FLT1: variants seen among roughly 807,000 people sequenced by gnomAD.
FLT1 encodes the protein fms related receptor tyrosine kinase 1, also known as vascular endothelial growth factor receptor 1.
A neutral mutation model predicts 156.3 loss-of-function variants in FLT1; 49 were observed. The observed-to-expected ratio is 0.31, with a 90% CI of 0.25 to 0.40. The LOEUF is 0.40. FLT1 is among the 10% of genes least tolerant of loss of function. The pLI is 1.00. For missense variants in FLT1, 1,322 were observed against 1,637.2 expected (o/e 0.81, Z 3.32); for synonymous variants, 594 against 583.8 (o/e 1.02, Z -0.25).
chr13:28,307,795 G>A (rs1056353822), intron 28 of FLT1, among the ~76,000 whole-genome samples: 1 of 75,134 alleles, frequency 1.3e-5, no homozygotes, highest in African/African-American at 4.5e-5. Context: ...TTGAGACGGA[G>A]TCCAGCTCTG....
At chr13:28,313,887 G>T (rs1304590083) in intron 25 of FLT1, among the ~76,000 whole-genome samples, 3 of 51,968 alleles carry the variant, frequency 5.8e-5, no homozygotes, top group Non-Finnish European at 1.1e-4. Flanking sequence ...ATACAGGGAG[G>T]TAAAAAAAAA....
At chr13:28,309,884 CTT>C (rs60568918) in intron 27 of FLT1, among the ~76,000 whole-genome samples, 2 of 90,874 alleles carry the variant, frequency 2.2e-5, no homozygotes, top group African/African-American at 4.3e-5. Flanking sequence ...TTCTTTTTTC[CTT>C]TTTTTTTTTT....
chr13:28,368,103 A>G (rs1873368487), intron 14 of FLT1: 2 of 734,142 alleles, frequency 2.7e-6, no homozygotes, highest in Non-Finnish European at 3.4e-6. Flanking sequence ...TAATGCATGT[A>G]TGTTAAGTTT....
At chr13:28,413,883 A>C (rs1402520880) in intron 10 of FLT1, among the ~76,000 whole-genome samples, 1 of 152,222 alleles carries the variant, frequency 6.6e-6, no homozygotes, top group East Asian at 1.9e-4. Context: ...TGGTTTTATA[A>C]CATCCTAGTT....
At chr13:28,339,337 A>G in intron 16 of FLT1, 37 bp from the exon 17 acceptor site, 1 of 1,606,952 alleles carries the variant, frequency 6.2e-7, no homozygotes, top group Non-Finnish European at 8.5e-7. Context: ...ATCGAGAAGA[A>G]AACAACTTTA....
intron 23 of FLT1, among the ~76,000 whole-genome samples, chr13:28,319,998 G>A (rs771573794): frequency 3.4e-4 from 52 of 152,200 alleles, no homozygotes; most frequent in Non-Finnish European, 4.7e-4. Flanking sequence ...GGGAGAGTGT[G>A]CAAAAGCATC....
intron 15 of FLT1, 187 bp from the exon 16 acceptor site, chr13:28,345,738 C>T (rs183407439): frequency 5.3e-4 from 316 of 596,794 alleles, no homozygotes; most frequent in Admixed American, 1.1e-3. Context: ...CATGAACTCA[C>T]ATAGAAAAGG....
chr13:28,422,846 C>G (rs1877090767), intron 10 of FLT1, among the ~76,000 whole-genome samples: 1 of 152,172 alleles, frequency 6.6e-6, no homozygotes, highest in African/African-American at 2.4e-5. Flanking sequence ...CTGATTATGC[C>G]AAGACTGTCC....
In FLT1 at chr13:28,483,962, C is replaced by A. The variant is rs1880997987; in HGVS notation, c.64+10818G>T. On this transcript the variant is annotated intron_variant, in intron 1 of 29. Coordinates refer to ENST00000282397, the MANE Select transcript of FLT1 (RefSeq NM_002019.4). ...AAATTAAAAAGACCTAGGTTTGAAT[C>A]TTGGCTTGGCTGTTCCATAAATGGA... Among the ~76,000 whole-genome samples the A allele has an allele frequency of 2.0e-5, 3 of 152,190 alleles. No individual in the cohort carries two copies. In the East Asian group the frequency reaches 5.8e-4, roughly 29 times the overall value.
chr13:28,367,849 G>C (rs534677078), intron 14 of FLT1, among the ~76,000 whole-genome samples: 2 of 152,058 alleles, frequency 1.3e-5, no homozygotes, highest in African/African-American at 4.8e-5. Flanking sequence ...ACTAATATTC[G>C]TCATCAAAAC....
At chr13:28,452,623 A>G (rs1421304654) in intron 3 of FLT1, among the ~76,000 whole-genome samples, 2 of 152,158 alleles carry the variant, frequency 1.3e-5, no homozygotes, top group East Asian at 1.9e-4. Flanking sequence ...TCAAGCTGAA[A>G]TTCTTAGATA....
At chr13:28,362,343 G>C (rs1873141558) in intron 14 of FLT1, among the ~76,000 whole-genome samples, 2 of 152,186 alleles carry the variant, frequency 1.3e-5, no homozygotes, top group East Asian at 3.8e-4. Flanking sequence ...TTGAAGCTTT[G>C]AGAAGTATAA....
At position 28,427,260 on chromosome 13, in the gene FLT1, T is replaced by C. The variant is rs770858814; in HGVS notation, c.1335A>G (p.Pro445=). The part of the protein sequence containing the change: ...VSSFPDPALY[P]LGSRQILTCT... ...AAGTCAGGATTTGTCTGCTGCCCAG[T>C]GGGTAGAGAGCCGGGTCTGGAAACG... The change falls in exon 10 of 30, where the codon CCA becomes CCG. Residue 445 remains proline (P), a synonymous_variant. Transcript: ENST00000282397. 5.0e-6 allele frequency: 8 copies of C among 1,613,798 alleles called. 1 individual carries two copies. In the South Asian group the frequency reaches 6.6e-5, roughly 13 times the overall value.
At chr13:28,407,004 C>T (rs1875845839) in intron 10 of FLT1, among the ~76,000 whole-genome samples, 1 of 152,148 alleles carries the variant, frequency 6.6e-6, no homozygotes. Context: ...ATCGCATCTG[C>T]AGGGGTACTG....
chr13:28,309,884 C>CA (rs778937977), intron 27 of FLT1, among the ~76,000 whole-genome samples: 25 of 90,884 alleles, frequency 2.8e-4, no homozygotes, highest in African/African-American at 1.0e-3. Context: ...TTCTTTTTTC[C>CA]TTTTTTTTTT....
intron 12 of FLT1, among the ~76,000 whole-genome samples, chr13:28,392,968 C>G (rs1407610604): frequency 6.6e-6 from 1 of 151,946 alleles, no homozygotes; most frequent in African/African-American, 2.4e-5. Flanking sequence ...AATAAAAATC[C>G]CAGAGGGATT....
chr13:28,403,701 C>T (rs1233090864), intron 11 of FLT1, among the ~76,000 whole-genome samples: 1 of 152,206 alleles, frequency 6.6e-6, no homozygotes, highest in Admixed American at 6.5e-5. Context: ...TACTTTGTGA[C>T]AACTAATTTG....
Position 28,311,667 on chromosome 13 carries a change from A to G in FLT1, c.3558T>C (p.Thr1186=), listed in dbSNP as rs377442842. 42 of 1,613,678 alleles carry G rather than the reference A, an allele frequency of 2.6e-5. No individual in the cohort carries two copies. The African/African-American group carries it at 3.3e-4, about 13-fold the overall frequency. Residue 1186 remains threonine (T), a synonymous_variant, in exon 27 of 30, where the codon ACT becomes ACC. Coordinates refer to ENST00000282397, the MANE Select transcript of FLT1 (RefSeq NM_002019.4). ...TGAAGAAGTCCTCAGAGAAGGCAGGAGTTGAGTATGTAAACCCACTATTTC... is the reference window on the plus strand; with the variant it reads ...TGAAGAAGTCCTCAGAGAAGGCAGGGGTTGAGTATGTAAACCCACTATTTC... ...LTGNSGFTYS[T]PAFSEDFFKE...
intron 10 of FLT1, among the ~76,000 whole-genome samples, chr13:28,417,760 C>A (rs1876743357): frequency 6.6e-6 from 1 of 151,340 alleles, no homozygotes; most frequent in Non-Finnish European, 1.5e-5. Flanking sequence ...ATTACAAGAG[C>A]ACGCCACTGT....
Sources: allele counts gnomAD v4.1 joint callset (sites outside exome capture counted in the v4.1 genomes callset), GRCh38; gene constraint gnomAD v4.1.1; transcripts MANE v1.5; gene names NCBI Gene and HGNC (gene_info 2026-07-23, HGNC 2026-07-21).